Variants in PREX1 observed in about 807,000 individuals in gnomAD.
The protein encoded by PREX1 is phosphatidylinositol-3,4,5-trisphosphate dependent Rac exchange factor 1, also known as phosphatidylinositol 3,4,5-trisphosphate-dependent Rac exchanger 1 protein.
PREX1 carries 41 observed loss-of-function variants against 198.3 expected under a neutral mutation model. The ratio of observed to expected loss-of-function variants is 0.21; its 90% CI spans 0.16 to 0.27. The LOEUF (loss-of-function observed/expected upper bound fraction) is 0.27. Among genes scored for constraint, PREX1 ranks in the 10% least tolerant of loss-of-function variants. The pLI, the probability that PREX1 is intolerant of heterozygous loss-of-function variation, is 1.00. For missense variants in PREX1, 1,620 were observed against 2,200.7 expected, an observed-to-expected ratio of 0.74 and a Z score of 5.28; for synonymous variants, 843 against 887.2, an observed-to-expected ratio of 0.95 and a Z score of 0.89.
chr20:48,749,757 G>A (rs891069350), intron 1 of PREX1, among the ~76,000 whole-genome samples: 1 of 151,980 alleles, frequency 6.6e-6, no homozygotes, highest in African/African-American at 2.4e-5. Flanking sequence ...AGCCAGTCTT[G>A]GGGCTTTAAC....
intron 1 of PREX1, among the ~76,000 whole-genome samples, chr20:48,758,539 C>T (rs1374498851): frequency 1.3e-5 from 2 of 152,168 alleles, no homozygotes; most frequent in Non-Finnish European, 2.9e-5. Flanking sequence ...CAGATGTTCT[C>T]CTAATACACA....
At chr20:48,829,294 C>T (rs543255469), upstream of PREX1, among the ~76,000 whole-genome samples, 2 of 152,300 alleles carry the variant, frequency 1.3e-5, no homozygotes, top group Non-Finnish European at 2.9e-5. Context: ...GAGATTGTAT[C>T]GTCTCTGCAG....
Position 48,652,571 on chromosome 20 carries a change from T to C in PREX1, c.2467+15A>G. The C allele has an allele frequency of 6.2e-7, 1 of 1,600,362 alleles. No homozygotes were observed. The highest frequency in any genetic ancestry group is 1.1e-5 in the South Asian group (1 of 89,256). On this transcript the variant is annotated intron_variant, in intron 21 of 39. Transcript: ENST00000371941. ...CCCTCTGGAAGCTCCTGTCATGCCA[T>C]GCCCCGTCTATTACCTGAATCAGCC...
chr20:48,747,781 G>C, intron 2 of PREX1, 28 bp downstream of exon 2: 2 of 1,594,970 alleles, frequency 1.3e-6, no homozygotes, highest in Non-Finnish European at 1.7e-6. Flanking sequence ...AGATGCTCTA[G>C]AACAGGGGCC....
chr20:48,654,755 G>T (rs183270563), intron 19 of PREX1, among the ~76,000 whole-genome samples: 53 of 152,328 alleles, frequency 3.5e-4, no homozygotes, highest in African/African-American at 1.3e-3. Flanking sequence ...GGGGCACTTA[G>T]ATGCAAAAAA....
At chr20:48,740,800 A>C (rs6066837) in intron 3 of PREX1, among the ~76,000 whole-genome samples, 10,367 of 152,324 alleles carry the variant, frequency 0.068, 424 homozygotes, top group South Asian at 0.18. Context: ...CAGTTAGCTC[A>C]AGGAGGGTCT....
chr20:48,709,885 T>C (rs2089922711), intron 5 of PREX1, among the ~76,000 whole-genome samples: 1 of 152,198 alleles, frequency 6.6e-6, no homozygotes, highest in South Asian at 2.1e-4. Flanking sequence ...CATCCCTTCT[T>C]CATTCACTTA....
intron 6 of PREX1, among the ~76,000 whole-genome samples, 163 bp downstream of exon 6, chr20:48,708,097 A>G (rs916928363): frequency 6.6e-6 from 1 of 152,246 alleles, no homozygotes; most frequent in African/African-American, 2.4e-5. Context: ...GCAAATTTGT[A>G]TTTGGATTTA....
intron 25 of PREX1, among the ~76,000 whole-genome samples, chr20:48,648,731 C>G (rs2089469384): frequency 6.6e-6 from 1 of 152,214 alleles, no homozygotes; most frequent in South Asian, 2.1e-4. Flanking sequence ...TTCCCCACAC[C>G]TGCTTCCCCA....
chr20:48,701,669 A>G (rs1397840056), intron 6 of PREX1, among the ~76,000 whole-genome samples: 1 of 152,110 alleles, frequency 6.6e-6, no homozygotes, highest in Non-Finnish European at 1.5e-5. Flanking sequence ...CAGCACCCAC[A>G]ACACTCTCTG....
chr20:48,685,992 G>T (rs936054244), intron 10 of PREX1, among the ~76,000 whole-genome samples: 5 of 152,194 alleles, frequency 3.3e-5, no homozygotes, highest in African/African-American at 7.2e-5. Context: ...AAAATAAAAT[G>T]TGCTGAGTAG....
At position 48,748,999 on chromosome 20, in the gene PREX1, G is replaced by A. The variant is rs1405438156; in HGVS notation, c.220-1119C>T. Among the ~76,000 whole-genome samples, 3 of 152,198 alleles carry A rather than the reference G, an allele frequency of 2.0e-5. No homozygotes were observed. In the East Asian group the frequency reaches 5.8e-4, roughly 29 times the overall value. On this transcript the variant is annotated intron_variant, in intron 1 of 39. Transcript: ENST00000371941. ...GGGTGCAATGGTGCCAACAAGAGAT[G>A]ACGGTGGCCTGGCACCAGGTGGTGT... is the stretch of plus-strand genomic sequence containing the variant.
chr20:48,630,926 G>A (rs1007931504), intron 35 of PREX1, 132 bp from the exon 36 acceptor site: 32 of 696,462 alleles, frequency 4.6e-5, no homozygotes, highest in Middle Eastern at 3.9e-4. Context: ...CCCTGAGAGC[G>A]CCTGCAGGCT....
intron 4 of PREX1, among the ~76,000 whole-genome samples, chr20:48,727,594 C>T (rs1715471488): frequency 6.6e-6 from 1 of 152,198 alleles, no homozygotes; most frequent in Non-Finnish European, 1.5e-5. Flanking sequence ...TCTCATCTCA[C>T]AGCTTAGATC....
chr20:48,631,412 T>A (rs2089313507), intron 35 of PREX1, among the ~76,000 whole-genome samples: 1 of 152,216 alleles, frequency 6.6e-6, no homozygotes, highest in African/African-American at 2.4e-5. Flanking sequence ...TTTGTTTTGC[T>A]CACTGCACAT....
chr20:48,656,928 C>T (rs1312085233), intron 18 of PREX1, 112 bp downstream of exon 18: 1 of 1,352,238 alleles, frequency 7.4e-7, no homozygotes, highest in Non-Finnish European at 9.9e-7. Context: ...TGTGTGACTC[C>T]AACAATGGGT....
At chr20:48,715,053 A>G (rs117284025) in intron 5 of PREX1, among the ~76,000 whole-genome samples, 664 of 152,340 alleles carry the variant, frequency 4.4e-3, no homozygotes, top group Middle Eastern at 0.01. Flanking sequence ...ATCAGAATAG[A>G]GTCACATTCA....
At chr20:48,816,234 T>C (rs1000187744) in intron 1 of PREX1, among the ~76,000 whole-genome samples, 2 of 152,030 alleles carry the variant, frequency 1.3e-5, no homozygotes, top group Non-Finnish European at 2.9e-5. Flanking sequence ...GTAAATAAAG[T>C]AAAGCACAGT....
At chr20:48,844,488 T>C in the PREX1 span, among the ~76,000 whole-genome samples, 38 of 152,170 alleles carry the variant, frequency 2.5e-4, no homozygotes, top group Non-Finnish European at 2.9e-5. Context: ...CAGCCAATCA[T>C]GAAGAGGCAT....
Sources: gnomAD v4.1 joint callset for allele counts (sites outside exome capture counted in the v4.1 genomes callset) on GRCh38, gnomAD v4.1.1 for gene constraint, MANE v1.5 for transcripts, NCBI Gene and HGNC (gene_info 2026-07-23, HGNC 2026-07-21) for gene names.